Variants in OGFOD1 observed in about 807,000 individuals in gnomAD.
OGFOD1 encodes the protein prolyl 3-hydroxylase OGFOD1.
In OGFOD1, 54 loss-of-function variants were observed where a neutral mutation model predicts 67.7. The ratio of observed to expected loss-of-function variants is 0.80; its 90% confidence interval spans 0.64 to 1.00. The LOEUF (loss-of-function observed/expected upper bound fraction) is 1.00. Ranked by LOEUF, OGFOD1 falls within the 50% of genes least tolerant of loss-of-function variation. OGFOD1 has a pLI of 0.00. For missense variants in OGFOD1, 606 were observed against 646.7 expected (o/e 0.94, Z 0.68); for synonymous variants, 221 against 227.0 (o/e 0.97, Z 0.24).
rs1293809242 is a variant in OGFOD1, at chr16:56,475,985, A to G, written c.1468-59A>G. ...GAAACCATCTGTTCCATGGTTAATC[A>G]TCCAAGATTTGAGAATAAGTTCTGT... On this transcript the variant is annotated intron_variant, in intron 12 of 12. Coordinates refer to ENST00000566157, the MANE Select transcript of OGFOD1 (RefSeq NM_018233.4). 3 of 1,458,734 alleles carry G rather than the reference A, an allele frequency of 2.1e-6. No homozygotes were observed. The African/African-American group carries it at 4.2e-5, about 21-fold the overall frequency. The allele number at this position is 1,458,734 out of a possible 1,614,324, so 90.4% of individuals were successfully genotyped here. A position where few individuals can be genotyped will look rare whatever the true frequency, so the allele number is the denominator to read the frequency against.
Position 56,453,289 on chromosome 16 carries a change from T to C in OGFOD1, c.181T>C (p.Phe61Leu). ...HEVIVMDMDP[F>L]LHCVIPNFIQ... ...AGTCATTGTCATGGACATGGACCCT[T>C]TTCTTCACTGTGTGATCCCAAACTT... The change falls in exon 2 of 13, where the codon TTT becomes CTT. Residue 61 changes from phenylalanine (F) to leucine (L), a missense_variant. Transcript: ENST00000566157. 1 of 1,613,874 alleles carries C rather than the reference T, an allele frequency of 6.2e-7. No homozygotes were observed. The highest frequency in any genetic ancestry group is 1.1e-5 in the South Asian group (1 of 90,992).
chr16:56,469,871 AAAG>A, intron 8 of OGFOD1, 129 bp from the exon 9 acceptor site: 4 of 610,912 alleles, frequency 6.5e-6, no homozygotes, highest in South Asian at 2.4e-5. Flanking sequence ...AAAAAAAAAA[AAAG>A]GAATGAGAGT....
chr16:56,467,323 A>G, intron 7 of OGFOD1, 30 bp downstream of exon 7: 1 of 1,612,554 alleles, frequency 6.2e-7, no homozygotes, highest in Non-Finnish European at 8.5e-7. Context: ...TCCTTATCTT[A>G]GGAGCTATAG....
intron 2 of OGFOD1, chr16:56,454,760 T>C (rs1348933280): frequency 4.5e-6 from 2 of 441,962 alleles, no homozygotes; most frequent in Admixed American, 2.5e-5. Flanking sequence ...CTCTCTCTTA[T>C]TCTTTTACAC....
intron 2 of OGFOD1, among the ~76,000 whole-genome samples, chr16:56,454,008 A>G (rs550590095): frequency 3.3e-5 from 5 of 152,330 alleles, no homozygotes; most frequent in Non-Finnish European, 5.9e-5. Context: ...GGTAAGTGGT[A>G]TGATGATGAA....
At position 56,475,563 on chromosome 16, in the gene OGFOD1, G is replaced by A. The variant is rs1447815870; in HGVS notation, c.1465G>A (p.Glu489Lys). 14 of 1,613,590 alleles carry A rather than the reference G, an allele frequency of 8.7e-6. No homozygotes were observed. The highest frequency in any genetic ancestry group is 1.0e-5 in the Non-Finnish European group (12 of 1,179,594). Residue 489 changes from glutamate to lysine, a missense_variant and splice_region_variant, in exon 12 of 13, where the codon GAG becomes AAG. Glu to Lys is a moderately conservative substitution (Grantham distance 56). Coordinates refer to ENST00000566157, the MANE Select transcript of OGFOD1 (RefSeq NM_018233.4). The stretch of plus-strand genomic sequence containing the variant: ...TTACATTGCCAAAGGTGAAGATGAA[G>A]AGGTAAGTTTCTTCTGATAGCAAAC... ...TSYIAKGEDEELLTVNPESNS... is the reference protein window; with the variant it reads ...TSYIAKGEDEKLLTVNPESNS...
Position 56,466,856 on chromosome 16 carries a change from T to A in OGFOD1, c.566-20T>A. 1 of 1,554,212 alleles carries A rather than the reference T, an allele frequency of 6.4e-7. No individual in the cohort carries two copies. On this transcript the variant is annotated intron_variant, in intron 5 of 12. Transcript: ENST00000566157. ...GAAGTGGTTAATGATAATTTATTGA[T>A]GTGTTCTTTCCTGGTGCAGAACACT...
intron 10 of OGFOD1, among the ~76,000 whole-genome samples, chr16:56,471,742 TG>T (rs1963196373): frequency 6.6e-6 from 1 of 152,236 alleles, no homozygotes; most frequent in South Asian, 2.1e-4. Context: ...CAAAACTGAC[TG>T]AACAGTCACT....
chr16:56,464,647 A>C (rs1047316627), intron 4 of OGFOD1, among the ~76,000 whole-genome samples: 4 of 152,034 alleles, frequency 2.6e-5, no homozygotes, highest in African/African-American at 9.7e-5. Flanking sequence ...TGATGCTCAT[A>C]CTGTCCCTGA....
At chr16:56,466,761 A>G in intron 5 of OGFOD1, 115 bp from the exon 6 acceptor site, 1 of 743,300 alleles carries the variant, frequency 1.3e-6, no homozygotes, top group Admixed American at 2.1e-5. Flanking sequence ...GCGGTATTTC[A>G]GGGTCTGAAG....
At chr16:56,467,425 T>TC (rs1962951471) in intron 7 of OGFOD1, 132 bp downstream of exon 7, 3 of 1,073,824 alleles carry the variant, frequency 2.8e-6, no homozygotes, top group Admixed American at 5.1e-5. Context: ...CTTTTTTTTT[T>TC]CTTCCTTTTT....
At chr16:56,462,110 GAAA>G (rs1567547882) in intron 3 of OGFOD1, among the ~76,000 whole-genome samples, 1 of 150,810 alleles carries the variant, frequency 6.6e-6, no homozygotes, top group Non-Finnish European at 1.5e-5. Flanking sequence ...AAAAAAGAAA[GAAA>G]AGAAAAGAAA....
intron 2 of OGFOD1, 45 bp downstream of exon 2, chr16:56,453,453 A>G: frequency 6.3e-7 from 1 of 1,588,150 alleles, no homozygotes; most frequent in Non-Finnish European, 8.6e-7. Flanking sequence ...TTGGAAATTC[A>G]CTGTCTATGA....
At position 56,470,796 on chromosome 16, in the gene OGFOD1, G is replaced by C. The variant is rs556407118; in HGVS notation, c.1285+5G>C. On this transcript the variant is annotated splice_donor_5th_base_variant and intron_variant, in intron 10 of 12. Coordinates refer to ENST00000566157, the MANE Select transcript of OGFOD1 (RefSeq NM_018233.4). ...AGGAAAATGAAACAAAGAAAGGTAA[G>C]CTGTTGTTAGGATTTGTCCTTACTT... The C allele has an allele frequency of 1.1e-4, 166 of 1,577,346 alleles. 1 individual carries two copies. The South Asian group carries it at 1.7e-3, about 16-fold the overall frequency.
intron 10 of OGFOD1, among the ~76,000 whole-genome samples, chr16:56,472,832 T>C (rs1232286448): frequency 6.6e-6 from 1 of 152,236 alleles, no homozygotes; most frequent in Non-Finnish European, 1.5e-5. Flanking sequence ...TAAACCTCTT[T>C]CTGATCCTTT....
intron 2 of OGFOD1, among the ~76,000 whole-genome samples, chr16:56,454,310 T>C (rs1671113964): frequency 6.6e-6 from 1 of 152,150 alleles, no homozygotes; most frequent in African/African-American, 2.4e-5. Flanking sequence ...ATCACATCAT[T>C]GCACTCCAAC....
intron 10 of OGFOD1, 21 bp downstream of exon 10, chr16:56,470,812 G>A (rs13337155): frequency 1.3e-6 from 2 of 1,545,774 alleles, no homozygotes; most frequent in Non-Finnish European, 8.7e-7. Flanking sequence ...GTTAGGATTT[G>A]TCCTTACTTA....
At chr16:56,452,185 G>T in intron 1 of OGFOD1, 1 of 163,912 alleles carries the variant, frequency 6.1e-6, no homozygotes, top group South Asian at 1.5e-4. Flanking sequence ...ACACACTAAT[G>T]CTTGCAGGCT....
At chr16:56,455,299 G>A (rs2143969212) in intron 2 of OGFOD1, among the ~76,000 whole-genome samples, 1 of 152,098 alleles carries the variant, frequency 6.6e-6, no homozygotes, top group Non-Finnish European at 1.5e-5. Context: ...CCCAGGCGGT[G>A]GAGGTTGCAG....
Sources: allele counts gnomAD v4.1 joint callset (sites outside exome capture counted in the v4.1 genomes callset), GRCh38; gene constraint gnomAD v4.1.1; transcripts MANE v1.5; gene names NCBI Gene and HGNC (gene_info 2026-07-23, HGNC 2026-07-21).